Variants in DLGAP1 observed in about 807,000 individuals in gnomAD.
DLGAP1 encodes disks large-associated protein 1.
Under a neutral mutation model 90.8 loss-of-function variants are expected in DLGAP1, and 11 were observed. That is an observed-to-expected ratio of 0.12 (90% CI 0.08 to 0.20). The LOEUF (loss-of-function observed/expected upper bound fraction) is 0.20. Ranked by LOEUF, DLGAP1 falls within the 10% of genes least tolerant of loss-of-function variation. The pLI is 1.00. For missense variants in DLGAP1, 1,050 were observed against 1,333.8 expected (o/e 0.79, Z 3.31); for synonymous variants, 558 against 540.7 (o/e 1.03, Z -0.44).
At chr18:3,981,728 T>G (rs1268552453) in intron 3 of DLGAP1, among the ~76,000 whole-genome samples, 1 of 152,196 alleles carries the variant, frequency 6.6e-6, no homozygotes, top group Non-Finnish European at 1.5e-5. Context: ...AAGGACTGAT[T>G]GACTATTTTC....
At chr18:3,814,363 T>A in intron 4 of DLGAP1, 90 bp from the exon 5 acceptor site, 9 of 683,434 alleles carry the variant, frequency 1.3e-5, no homozygotes, top group Non-Finnish European at 1.5e-5. Context: ...ACATTTCTAT[T>A]TTTTTTTTTT....
chr18:3,750,041 G>T (rs1443594514), intron 5 of DLGAP1, among the ~76,000 whole-genome samples: 2 of 152,084 alleles, frequency 1.3e-5, no homozygotes, highest in African/African-American at 4.8e-5. Flanking sequence ...TGATACTGAG[G>T]TTTTGGGGTA....
rs548118354 is a variant in DLGAP1 at position 3,588,974 on chromosome 18, G to A, written c.1592-6726C>T. Among the ~76,000 whole-genome samples, 11 of 152,072 alleles carry A rather than the reference G, an allele frequency of 7.2e-5. No homozygotes were observed. The East Asian group carries it at 1.9e-3, about 27-fold the overall frequency. On this transcript the variant is annotated intron_variant, in intron 7 of 12. Coordinates refer to ENST00000315677, the MANE Select transcript of DLGAP1 (RefSeq NM_004746.4). Reference sequence around the variant, plus strand: ...AAGGCAGGGGATAATTTGAGGTCGCGAGTTCGAAACCAGCCTGGTCAACAT... The same window carrying A: ...AAGGCAGGGGATAATTTGAGGTCGCAAGTTCGAAACCAGCCTGGTCAACAT...
intron 1 of DLGAP1, among the ~76,000 whole-genome samples, chr18:4,327,522 C>T (rs2080850056): frequency 6.6e-6 from 1 of 151,972 alleles, no homozygotes; most frequent in Non-Finnish European, 1.5e-5. Context: ...GCTTTGAGGT[C>T]TCTGTAGAAG....
At chr18:4,180,927 G>A (rs2077196908) in intron 1 of DLGAP1, among the ~76,000 whole-genome samples, 2 of 152,132 alleles carry the variant, frequency 1.3e-5, no homozygotes, top group South Asian at 4.1e-4. Context: ...CCAGGCTGGA[G>A]ACAGAGGGAT....
At chr18:3,510,944 AC>A (rs1320125101) in intron 10 of DLGAP1, among the ~76,000 whole-genome samples, 3 of 152,250 alleles carry the variant, frequency 2.0e-5, no homozygotes, top group African/African-American at 7.2e-5. Flanking sequence ...CAAAAGTAAA[AC>A]AAGGGATATC....
chr18:4,139,023 C>T (rs1361699307), intron 2 of DLGAP1, among the ~76,000 whole-genome samples: 1 of 151,906 alleles, frequency 6.6e-6, no homozygotes, highest in Non-Finnish European at 1.5e-5. Flanking sequence ...TGGGTCTTCT[C>T]TCTTTTATTC....
At chr18:4,147,979 C>G (rs1568421106) in intron 2 of DLGAP1, among the ~76,000 whole-genome samples, 1 of 152,156 alleles carries the variant, frequency 6.6e-6, no homozygotes, top group East Asian at 1.9e-4. Flanking sequence ...CACTCCAGAA[C>G]AGGGGTGTCC....
chr18:4,090,440 T>C (rs144499595), intron 2 of DLGAP1, among the ~76,000 whole-genome samples: 1 of 152,260 alleles, frequency 6.6e-6, no homozygotes, highest in African/African-American at 2.4e-5. Flanking sequence ...AAAGGACATG[T>C]ACAGACACTT....
intron 1 of DLGAP1, among the ~76,000 whole-genome samples, chr18:4,195,610 G>A: frequency 6.6e-6 from 1 of 151,954 alleles, no homozygotes; most frequent in Non-Finnish European, 1.5e-5. Context: ...GGAGTGCAAT[G>A]GCACGATCTC....
intron 7 of DLGAP1, among the ~76,000 whole-genome samples, chr18:3,619,407 G>A (rs1427673447): frequency 2.0e-5 from 3 of 152,190 alleles, no homozygotes; most frequent in Non-Finnish European, 4.4e-5. Context: ...CAGGGGCGCT[G>A]CTGACCTGCA....
chr18:4,062,445 C>T (rs563369502), intron 2 of DLGAP1, among the ~76,000 whole-genome samples: 1 of 152,190 alleles, frequency 6.6e-6, no homozygotes, highest in South Asian at 2.1e-4. Flanking sequence ...TTCTGACAGG[C>T]CCAGGAGCTC....
chr18:3,742,202 G>T (rs1458135464), intron 6 of DLGAP1, 133 bp downstream of exon 6: 10 of 1,149,586 alleles, frequency 8.7e-6, no homozygotes, highest in Non-Finnish European at 1.2e-5. Flanking sequence ...TGCAGCACTT[G>T]ACTGGACCTC....
At chr18:3,645,523 T>C (rs1418294844) in intron 7 of DLGAP1, among the ~76,000 whole-genome samples, 1 of 152,168 alleles carries the variant, frequency 6.6e-6, no homozygotes, top group African/African-American at 2.4e-5. Context: ...CTAGGCGTTT[T>C]TCATCCTTCT....
intron 1 of DLGAP1, among the ~76,000 whole-genome samples, chr18:4,316,722 A>G (rs2080537341): frequency 6.6e-6 from 1 of 152,168 alleles, no homozygotes; most frequent in South Asian, 2.1e-4. Flanking sequence ...CGAACTGAAC[A>G]CTTGACACTT....
At chr18:4,054,063 C>T (rs2075176715) in intron 2 of DLGAP1, among the ~76,000 whole-genome samples, 1 of 152,210 alleles carries the variant, frequency 6.6e-6, no homozygotes, top group South Asian at 2.1e-4. Context: ...GGCAGTGTGA[C>T]TGCCACCTGA....
intron 1 of DLGAP1, among the ~76,000 whole-genome samples, chr18:4,251,056 G>A (rs1432856927): frequency 2.6e-5 from 4 of 152,128 alleles, no homozygotes; most frequent in African/African-American, 9.7e-5. Flanking sequence ...CGTTAAACTG[G>A]AGTATTAGAG....
chr18:4,269,965 A>C (rs545074097), intron 1 of DLGAP1, among the ~76,000 whole-genome samples: 19 of 152,152 alleles, frequency 1.2e-4, no homozygotes, highest in Non-Finnish European at 2.4e-4. Context: ...AGCTTGTTTC[A>C]CTTTAGCATG....
intron 1 of DLGAP1, among the ~76,000 whole-genome samples, chr18:4,240,022 A>G (rs1284587367): frequency 6.6e-6 from 1 of 152,154 alleles, no homozygotes; most frequent in Non-Finnish European, 1.5e-5. Flanking sequence ...ATGTCAAGTT[A>G]GTCCTCCAAA....
Sources: allele counts gnomAD v4.1 joint callset (sites outside exome capture counted in the v4.1 genomes callset), GRCh38; gene constraint gnomAD v4.1.1; transcripts MANE v1.5; gene names NCBI Gene and HGNC (gene_info 2026-07-23, HGNC 2026-07-21).